The following MAPRE2 variants were observed in gnomAD, a reference collection of about 807,000 sequenced individuals.
MAPRE2 encodes microtubule-associated protein RP/EB family member 2.
MAPRE2 carries 13 observed loss-of-function variants against 43.2 expected under a neutral mutation model. The observed-to-expected ratio is 0.30, with a 90% CI of 0.20 to 0.48. The LOEUF is 0.48. Among genes scored for constraint, MAPRE2 ranks in the 20% least tolerant of loss-of-function variants. The probability of loss-of-function intolerance (pLI) is 0.99; values close to 1 mark genes in which losing one functional copy is unlikely to be tolerated. For missense variants in MAPRE2, 161 were observed against 400.2 expected, an observed-to-expected ratio of 0.40 and a Z score of 5.10; for synonymous variants, 135 against 148.8, an observed-to-expected ratio of 0.91 and a Z score of 0.68.
chr18:34,979,535 C>A (rs1353128284), intron 1 of MAPRE2, among the ~76,000 whole-genome samples: 2 of 151,132 alleles, frequency 1.3e-5, no homozygotes, highest in Non-Finnish European at 1.5e-5. Flanking sequence ...AGGGGAAACA[C>A]AAAGCTAACT....
At chr18:35,072,401 A>C (rs1005432326) in intron 2 of MAPRE2, among the ~76,000 whole-genome samples, 1 of 152,190 alleles carries the variant, frequency 6.6e-6, no homozygotes, top group African/African-American at 2.4e-5. Flanking sequence ...GCATTTGGAT[A>C]AGGGAAACAA....
chr18:35,078,488 A>G (rs1291109356), intron 2 of MAPRE2, among the ~76,000 whole-genome samples: 4 of 152,134 alleles, frequency 2.6e-5, no homozygotes, highest in African/African-American at 4.8e-5. Context: ...TTTAATTCAT[A>G]TAACAACCCC....
chr18:35,094,678 C>G (rs1908319491), intron 2 of MAPRE2, among the ~76,000 whole-genome samples: 1 of 152,096 alleles, frequency 6.6e-6, no homozygotes, highest in Admixed American at 6.6e-5. Flanking sequence ...TTGGGTAGCT[C>G]AGAGTCAATG....
chr18:35,102,466 A>G (rs568389146), intron 4 of MAPRE2, among the ~76,000 whole-genome samples: 1 of 152,332 alleles, frequency 6.6e-6, no homozygotes, highest in East Asian at 1.9e-4. Flanking sequence ...AGAAATTTCA[A>G]GTAGCCTGTT....
At chr18:35,086,016 TG>T (rs1907858575) in intron 2 of MAPRE2, among the ~76,000 whole-genome samples, 1 of 152,202 alleles carries the variant, frequency 6.6e-6, no homozygotes, top group African/African-American at 2.4e-5. Context: ...TAATTGAGGT[TG>T]TTGTGCTTTT....
chr18:34,990,199 C>G (rs1199331309), intron 1 of MAPRE2, among the ~76,000 whole-genome samples: 1 of 152,160 alleles, frequency 6.6e-6, no homozygotes, highest in Non-Finnish European at 1.5e-5. Flanking sequence ...GGTCCCCTTT[C>G]GTTGCAGTCT....
intron 2 of MAPRE2, among the ~76,000 whole-genome samples, chr18:35,073,090 C>T (rs1907188988): frequency 6.6e-6 from 1 of 152,114 alleles, no homozygotes; most frequent in South Asian, 2.1e-4. Context: ...ATCGGTACCT[C>T]TGAGTATAGC....
Position 35,140,285 on chromosome 18 carries a change from C to A in MAPRE2, c.910-10C>A. 6.2e-7 allele frequency: 1 copy of A among 1,612,484 alleles called. No homozygotes were observed. Among genetic ancestry groups the A allele is most frequent in the East Asian group, 2.2e-5 (1 of 44,756 alleles). On this transcript the variant is annotated splice_polypyrimidine_tract_variant and intron_variant, in intron 6 of 6. Coordinates refer to ENST00000300249, the MANE Select transcript of MAPRE2 (RefSeq NM_014268.4). The stretch of plus-strand genomic sequence containing the variant: ...AATTATCTCAGCTGAAACTTCTCCC[C>A]TGCCCACAGGAGGGCCACACAGAAG...
chr18:35,029,442 G>A (rs2097046749), intron 2 of MAPRE2, among the ~76,000 whole-genome samples: 1 of 152,126 alleles, frequency 6.6e-6, no homozygotes, highest in Non-Finnish European at 1.5e-5. Flanking sequence ...CCACTTGATG[G>A]CCTGGGTTCT....
chr18:35,050,302 A>G (rs1478635419), intron 1 of MAPRE2, among the ~76,000 whole-genome samples: 3 of 152,250 alleles, frequency 2.0e-5, no homozygotes, highest in Non-Finnish European at 4.4e-5. Context: ...AACATCTGAT[A>G]GATACTCATG....
chr18:35,045,997 G>A (rs1446396222), intron 1 of MAPRE2, among the ~76,000 whole-genome samples: 1 of 152,164 alleles, frequency 6.6e-6, no homozygotes, highest in Non-Finnish European at 1.5e-5. Flanking sequence ...CTGCTCTGTA[G>A]CTGGTATCTG....
intron 2 of MAPRE2, among the ~76,000 whole-genome samples, chr18:35,081,156 G>T (rs796136652): frequency 4.6e-5 from 7 of 152,254 alleles, no homozygotes; most frequent in African/African-American, 1.7e-4. Flanking sequence ...GCGCAGAATT[G>T]TGTTAAAATC....
chr18:34,985,490 G>A (rs190143148), intron 1 of MAPRE2, among the ~76,000 whole-genome samples: 457 of 30,832 alleles, frequency 0.015, 20 homozygotes, highest in African/African-American at 0.049. Context: ...TATATATATT[G>A]TATATTATAT....
intron 4 of MAPRE2, among the ~76,000 whole-genome samples, chr18:35,116,961 A>G (rs1603402770): frequency 6.6e-6 from 1 of 152,208 alleles, no homozygotes; most frequent in South Asian, 2.1e-4. Flanking sequence ...AAGCAGAAGC[A>G]TGCTTTGTAT....
chr18:35,070,738 C>A (rs531618120), intron 2 of MAPRE2: 1 of 153,072 alleles, frequency 6.5e-6, no homozygotes, highest in South Asian at 2.1e-4. Flanking sequence ...CTAATGAGGT[C>A]CTTATTAGTC....
chr18:35,043,437 G>A (rs896386692), intron 1 of MAPRE2, among the ~76,000 whole-genome samples: 2 of 152,098 alleles, frequency 1.3e-5, no homozygotes, highest in African/African-American at 4.8e-5. Context: ...AACTTGAAAC[G>A]GCAGTGGAAA....
At chr18:35,100,070 C>T (rs117651979) in intron 3 of MAPRE2, among the ~76,000 whole-genome samples, 29 of 152,276 alleles carry the variant, frequency 1.9e-4, no homozygotes, top group Non-Finnish European at 3.2e-4. Context: ...AAGCTGTGAG[C>T]TGTGTGCTTG....
chr18:35,011,962 AGAG>A (rs751027368), intron 2 of MAPRE2, among the ~76,000 whole-genome samples: 3 of 152,132 alleles, frequency 2.0e-5, no homozygotes, highest in Non-Finnish European at 4.4e-5. Context: ...GGGATTTTCT[AGAG>A]GAGAACACAT....
At chr18:34,992,163 G>A (rs192358986) in intron 1 of MAPRE2, among the ~76,000 whole-genome samples, 1 of 152,234 alleles carries the variant, frequency 6.6e-6, no homozygotes, top group Admixed American at 6.5e-5. Flanking sequence ...ATCATGAGTA[G>A]AGGCTCTAGA....
Sources: gnomAD v4.1 joint callset for allele counts (sites outside exome capture counted in the v4.1 genomes callset) on GRCh38, gnomAD v4.1.1 for gene constraint, MANE v1.5 for transcripts, NCBI Gene and HGNC (gene_info 2026-07-23, HGNC 2026-07-21) for gene names.